FAM204A: variants seen among roughly 807,000 people sequenced by gnomAD.
FAM204A encodes the protein family with sequence similarity 204 member A, also known as protein FAM204A.
A neutral mutation model predicts 35.4 loss-of-function variants in FAM204A; 16 were observed. The observed-to-expected ratio is 0.45, with a 90% CI of 0.31 to 0.69. The LOEUF (loss-of-function observed/expected upper bound fraction) is 0.69, where lower values mean the gene tolerates loss of function less well. FAM204A is among the 30% of genes least tolerant of loss of function. The pLI, the probability that FAM204A is intolerant of heterozygous loss-of-function variation, is 0.07. For synonymous variants in FAM204A, 76 were observed against 86.9 expected (o/e 0.88, Z 0.70); for missense variants, 240 against 265.7 (o/e 0.90, Z 0.67).
At chr10:118,312,178 C>G (rs1375268466) in intron 7 of FAM204A, among the ~76,000 whole-genome samples, 1 of 152,158 alleles carries the variant, frequency 6.6e-6, no homozygotes, top group East Asian at 1.9e-4. Flanking sequence ...TTTAAAATGC[C>G]CACCAATGCG....
At chr10:118,320,544 T>G (rs2133274524) in intron 7 of FAM204A, among the ~76,000 whole-genome samples, 1 of 151,980 alleles carries the variant, frequency 6.6e-6, no homozygotes, top group East Asian at 1.9e-4. Context: ...CTTGAATGTG[T>G]ATTTTATACA....
In FAM204A at chr10:118,303,336, T is replaced by TA. The variant is rs1285225759; in HGVS notation, c.*7520dup. 5 of 152,234 alleles carry TA rather than the reference T, an allele frequency of 3.3e-5. No individual in the cohort carries two copies. The highest frequency in any genetic ancestry group is 7.3e-5 in the Non-Finnish European group (5 of 68,044). The allele number at this position is 152,234 out of a possible 1,614,324, so 9.4% of individuals were successfully genotyped here. ...TAACAATGAATCCTCAAAGTGTTTTTAAAAAATTTACAGAACAATAACAGT... is the reference window on the plus strand; with the variant it reads ...TAACAATGAATCCTCAAAGTGTTTTTAAAAAAATTTACAGAACAATAACAGT... On this transcript the variant is annotated 3_prime_UTR_variant, in exon 9 of 9. Transcript: ENST00000369183.
rs952116605 is a variant in FAM204A, at chr10:118,310,614, C to G, written c.*243G>C. ...CCATACAAATAAACAAAATCCTATC[C>G]TCTTCTTTCTATATTTTTTTTCTTA... On this transcript the variant is annotated 3_prime_UTR_variant, in exon 9 of 9. Coordinates refer to ENST00000369183, the MANE Select transcript of FAM204A (RefSeq NM_022063.3). 32 of 471,128 alleles carry G rather than the reference C, an allele frequency of 6.8e-5. No individual in the cohort carries two copies. The highest frequency in any genetic ancestry group is 1.1e-4 in the Non-Finnish European group (31 of 272,578). The allele number at this position is 471,128 out of a possible 1,614,324, so 29.2% of individuals were successfully genotyped here. A position where few individuals can be genotyped will look rare whatever the true frequency, so the allele number is the denominator to read the frequency against.
In FAM204A at chr10:118,306,320, G is replaced by A. The variant is rs1421461507; in HGVS notation, c.*4537C>T. 1.3e-5 allele frequency: 2 copies of A among 152,194 alleles called. No homozygotes were observed. The highest frequency in any genetic ancestry group is 3.9e-4 in the East Asian group (2 of 5,192). 9.4% of individuals were successfully genotyped at this position (152,194 alleles called of 1,614,324 possible). A position where few individuals can be genotyped will look rare whatever the true frequency, so the allele number is the denominator to read the frequency against. ...GCACTTAGGAGCCGAGGTTTCTCTT[G>A]GGCACTACCCTCCCTTCCCCTTTCA... is the stretch of plus-strand genomic sequence containing the variant. On this transcript the variant is annotated 3_prime_UTR_variant, in exon 9 of 9. Coordinates refer to ENST00000369183, the MANE Select transcript of FAM204A (RefSeq NM_022063.3).
rs60979779 is a variant in FAM204A at position 118,298,108 on chromosome 10, T to C, written c.*12749A>G. ...TCCTCTGGGCAGCACACTACTGCCA[T>C]CTCCTTTATCTTAAATGTGTGTGGG... is the stretch of plus-strand genomic sequence containing the variant. On this transcript the variant is annotated 3_prime_UTR_variant, in exon 9 of 9. Coordinates refer to ENST00000369183, the MANE Select transcript of FAM204A (RefSeq NM_022063.3). 5 of 152,316 alleles carry C rather than the reference T, an allele frequency of 3.3e-5. No homozygotes were observed. The East Asian group carries it at 7.7e-4, about 24-fold the overall frequency. 9.4% of individuals were successfully genotyped at this position (152,316 alleles called of 1,614,324 possible).
chr10:118,336,717 A>G (rs1417970027), intron 2 of FAM204A, among the ~76,000 whole-genome samples: 2 of 152,204 alleles, frequency 1.3e-5, no homozygotes. Flanking sequence ...ATATATGAGT[A>G]GTTTTGTCTA....
intron 3 of FAM204A, 180 bp downstream of exon 3, chr10:118,336,002 A>C: frequency 1.5e-6 from 1 of 682,834 alleles, no homozygotes; most frequent in Non-Finnish European, 2.3e-6. Flanking sequence ...ATGAAAAACA[A>C]AACAAAATAA....
intron 2 of FAM204A, among the ~76,000 whole-genome samples, chr10:118,341,005 T>G (rs1846470419): frequency 6.6e-6 from 1 of 152,196 alleles, no homozygotes; most frequent in Non-Finnish European, 1.5e-5. Context: ...ATTACAGACT[T>G]GTTAAATTTG....
At chr10:118,324,368 C>G (rs1283687968) in intron 7 of FAM204A, among the ~76,000 whole-genome samples, 1 of 152,122 alleles carries the variant, frequency 6.6e-6, no homozygotes, top group Non-Finnish European at 1.5e-5. Flanking sequence ...TATTTGTACA[C>G]CAATATTCAT....
chr10:118,320,505 G>A (rs2133274469), intron 7 of FAM204A, among the ~76,000 whole-genome samples: 1 of 151,832 alleles, frequency 6.6e-6, no homozygotes, highest in South Asian at 2.1e-4. Flanking sequence ...CCAAGTCTGA[G>A]TTTAACAAGC....
chr10:118,312,216 C>A (rs1272618469), intron 7 of FAM204A, among the ~76,000 whole-genome samples: 3 of 152,162 alleles, frequency 2.0e-5, no homozygotes, highest in Non-Finnish European at 4.4e-5. Flanking sequence ...CATTAAGAAC[C>A]CAGATTAAAC....
chr10:118,315,704 A>C (rs1177648084), intron 7 of FAM204A, among the ~76,000 whole-genome samples: 1 of 152,156 alleles, frequency 6.6e-6, no homozygotes, highest in African/African-American at 2.4e-5. Flanking sequence ...CAAGTTACCT[A>C]GGAGACGAAA....
chr10:118,327,734 C>G (rs962939069), intron 6 of FAM204A, among the ~76,000 whole-genome samples: 1 of 152,172 alleles, frequency 6.6e-6, no homozygotes, highest in Non-Finnish European at 1.5e-5. Flanking sequence ...AATCCATGAA[C>G]TGTTTATTTT....
chr10:118,315,144 C>T (rs541743075), intron 7 of FAM204A, among the ~76,000 whole-genome samples: 105 of 151,954 alleles, frequency 6.9e-4, no homozygotes, highest in Admixed American at 1.3e-3. Context: ...AAATGCACGG[C>T]GACATTTTTT....
chr10:118,302,936 ATG>A lies in FAM204A; in HGVS notation c.*7919_*7920del, dbSNP rs1845824491. ...ACTAATTACAGAGGAGCTTTTGAAA[ATG>A]TGGAATCCCAGGCCCTGCCCCCAGA... is the stretch of plus-strand genomic sequence containing the variant. On this transcript the variant is annotated 3_prime_UTR_variant, in exon 9 of 9. Transcript: ENST00000369183. 2 of 152,176 alleles carry A rather than the reference ATG, an allele frequency of 1.3e-5. No homozygotes were observed. Among genetic ancestry groups the A allele is most frequent in the South Asian group, 4.1e-4 (2 of 4,820 alleles). The allele number at this position is 152,176 out of a possible 1,614,324, so 9.4% of individuals were successfully genotyped here. A position where few individuals can be genotyped will look rare whatever the true frequency, so the allele number is the denominator to read the frequency against.
At chr10:118,316,815 T>A (rs1846039342) in intron 7 of FAM204A, among the ~76,000 whole-genome samples, 1 of 152,118 alleles carries the variant, frequency 6.6e-6, no homozygotes, top group Non-Finnish European at 1.5e-5. Flanking sequence ...TAACACCTGT[T>A]TTAATGATGA....
Position 118,299,496 on chromosome 10 carries a change from C to T in FAM204A, c.*11361G>A, listed in dbSNP as rs2032380483. The T allele has an allele frequency of 6.7e-6, 1 of 148,912 alleles. No homozygotes were observed. Among genetic ancestry groups the T allele is most frequent in the African/African-American group, 2.5e-5 (1 of 39,772 alleles). 9.2% of individuals were successfully genotyped at this position (148,912 alleles called of 1,614,324 possible). ...TCTCGGGTTTAAGTAATCCTCCCAC[C>T]TTAGCCTCCCGAGTAGCTGGGGGAC... On this transcript the variant is annotated 3_prime_UTR_variant, in exon 9 of 9. Transcript: ENST00000369183.
Position 118,300,399 on chromosome 10 carries a change from C to T in FAM204A, c.*10458G>A, listed in dbSNP as rs907181985. The T allele has an allele frequency of 3.3e-5, 5 of 152,070 alleles. No individual in the cohort carries two copies. Among genetic ancestry groups the T allele is most frequent in the Non-Finnish European group, 7.4e-5 (5 of 67,998 alleles). 9.4% of individuals were successfully genotyped at this position (152,070 alleles called of 1,614,324 possible). A position where few individuals can be genotyped will look rare whatever the true frequency, so the allele number is the denominator to read the frequency against. On this transcript the variant is annotated 3_prime_UTR_variant, in exon 9 of 9. Transcript: ENST00000369183. ...TTTTGTTCACTCAAGCCAATTAAATCAACAAATATTTACTGAACACCTACC... is the reference window on the plus strand; with the variant it reads ...TTTTGTTCACTCAAGCCAATTAAATTAACAAATATTTACTGAACACCTACC...
In FAM204A at chr10:118,298,688, T is replaced by C. The variant is rs1318401608; in HGVS notation, c.*12169A>G. 6.6e-6 allele frequency: 1 copy of C among 152,168 alleles called. No individual in the cohort carries two copies. Among genetic ancestry groups the C allele is most frequent in the East Asian group, 1.9e-4 (1 of 5,186 alleles). 9.4% of individuals were successfully genotyped at this position (152,168 alleles called of 1,614,324 possible). On this transcript the variant is annotated 3_prime_UTR_variant, in exon 9 of 9. Coordinates refer to ENST00000369183, the MANE Select transcript of FAM204A (RefSeq NM_022063.3). ...ACAATGTACAGAGATTATTGTTACG[T>C]CCACATTATTATTTTTGGCACTAGG...
Sources: allele counts gnomAD v4.1 joint callset (sites outside exome capture counted in the v4.1 genomes callset), GRCh38; gene constraint gnomAD v4.1.1; transcripts MANE v1.5; gene names NCBI Gene and HGNC (gene_info 2026-07-23, HGNC 2026-07-21).